Variants in ENOX1 observed in about 807,000 individuals in gnomAD.
ENOX1 encodes the protein ecto-NOX disulfide-thiol exchanger 1.
In ENOX1, 42 loss-of-function variants were observed where a neutral mutation model predicts 82.5. The observed-to-expected ratio is 0.51, with a 90% CI of 0.40 to 0.66. The LOEUF (loss-of-function observed/expected upper bound fraction) is 0.66. ENOX1 is among the 30% of genes least tolerant of loss of function. ENOX1 has a pLI of 0.00. For synonymous variants in ENOX1, 271 were observed against 282.2 expected (o/e 0.96, Z 0.40); for missense variants, 608 against 811.6 (o/e 0.75, Z 3.05).
chr13:43,772,075 T>C (rs1221156751), intron 1 of ENOX1, among the ~76,000 whole-genome samples: 1 of 151,818 alleles, frequency 6.6e-6, no homozygotes, highest in Admixed American at 6.6e-5. Context: ...TGGTGTGATA[T>C]CTCTTTAAAG....
chr13:43,711,605 T>C (rs2087721062), intron 1 of ENOX1, among the ~76,000 whole-genome samples: 2 of 152,052 alleles, frequency 1.3e-5, no homozygotes, highest in Admixed American at 6.6e-5. Flanking sequence ...TTTTTAATGA[T>C]TGCCATTCTA....
At chr13:43,744,356 GT>G (rs1239636840) in intron 1 of ENOX1, among the ~76,000 whole-genome samples, 1 of 152,102 alleles carries the variant, frequency 6.6e-6, no homozygotes, top group African/African-American at 2.4e-5. Flanking sequence ...AACCCCTCAG[GT>G]CATTCTTTTT....
intron 3 of ENOX1, among the ~76,000 whole-genome samples, chr13:43,453,813 C>T (rs2057089813): frequency 6.6e-6 from 1 of 152,082 alleles, no homozygotes; most frequent in Non-Finnish European, 1.5e-5. Context: ...ACAATAATTG[C>T]ACTACAAGCA....
At chr13:43,227,870 T>C (rs2042097044) in intron 15 of ENOX1, among the ~76,000 whole-genome samples, 2 of 151,986 alleles carry the variant, frequency 1.3e-5, no homozygotes, top group South Asian at 2.1e-4. Flanking sequence ...ACAACCCAAT[T>C]ATCCAGTGTT....
chr13:43,395,660 A>G (rs1047027381), intron 5 of ENOX1, among the ~76,000 whole-genome samples: 2 of 152,170 alleles, frequency 1.3e-5, no homozygotes, highest in Non-Finnish European at 2.9e-5. Flanking sequence ...TAAATTCTTA[A>G]TTATCCATAC....
intron 1 of ENOX1, among the ~76,000 whole-genome samples, chr13:43,740,107 A>G (rs2089829270): frequency 6.6e-6 from 1 of 152,214 alleles, no homozygotes; most frequent in Non-Finnish European, 1.5e-5. Flanking sequence ...GGTCAACTGA[A>G]TATGGGGAAT....
chr13:43,342,931 A>T (rs2049155717), intron 9 of ENOX1, among the ~76,000 whole-genome samples: 2 of 152,210 alleles, frequency 1.3e-5, no homozygotes, highest in African/African-American at 2.4e-5. Context: ...TGCCTCTTTC[A>T]ATAGTTACTG....
intron 2 of ENOX1, among the ~76,000 whole-genome samples, chr13:43,626,712 A>G (rs2082980197): frequency 6.6e-6 from 1 of 151,828 alleles, no homozygotes; most frequent in Admixed American, 6.6e-5. Flanking sequence ...TCAAGCTATT[A>G]TCTTTTTTGG....
intron 12 of ENOX1, among the ~76,000 whole-genome samples, chr13:43,271,827 G>A (rs1313469136): frequency 6.6e-6 from 1 of 151,860 alleles, no homozygotes; most frequent in Non-Finnish European, 1.5e-5. Context: ...CTTCTTATGT[G>A]TCAGTGATGT....
chr13:43,551,199 C>T (rs574507967), intron 2 of ENOX1, among the ~76,000 whole-genome samples: 51 of 152,244 alleles, frequency 3.3e-4, no homozygotes, highest in Non-Finnish European at 6.3e-4. Flanking sequence ...TAACACAGAA[C>T]ATAGTTTACA....
intron 2 of ENOX1, among the ~76,000 whole-genome samples, chr13:43,662,707 T>G (rs2084793469): frequency 6.6e-6 from 1 of 152,212 alleles, no homozygotes; most frequent in Non-Finnish European, 1.5e-5. Flanking sequence ...TCTGTTTTCC[T>G]CTACCGTTTT....
chr13:43,729,146 G>A (rs2089173005), intron 1 of ENOX1, among the ~76,000 whole-genome samples: 1 of 152,170 alleles, frequency 6.6e-6, no homozygotes, highest in Non-Finnish European at 1.5e-5. Flanking sequence ...ATATGGAACA[G>A]AAAATTCAAT....
At chr13:43,779,055 T>C (rs1952088569) in intron 1 of ENOX1, among the ~76,000 whole-genome samples, 1 of 152,038 alleles carries the variant, frequency 6.6e-6, no homozygotes. Context: ...CCCCAACTCC[T>C]CCTCCATCAA....
chr13:43,751,117 G>T (rs2064527865), intron 1 of ENOX1, among the ~76,000 whole-genome samples: 1 of 152,128 alleles, frequency 6.6e-6, no homozygotes, highest in African/African-American at 2.4e-5. Context: ...CAAATTATCT[G>T]TCATGCTCCT....
rs774608353 is a variant in ENOX1 at position 43,214,056 on chromosome 13, C to T, written c.1866G>A (p.Thr622=). The T allele has an allele frequency of 1.6e-5, 26 of 1,613,500 alleles. No individual in the cohort carries two copies. The highest frequency in any genetic ancestry group is 7.7e-5 in the South Asian group (7 of 90,966). Residue 622 remains threonine (T), a synonymous_variant, in exon 17 of 17, where the codon ACG becomes ACA. Coordinates refer to ENST00000690772, the MANE Select transcript of ENOX1 (RefSeq NM_001347969.2). ...RLPRMFKQEF[T]GVGATLEKRW... Reference sequence around the variant, plus strand: ...TTTTTTCCAGCGTGGCTCCCACACCCGTGAATTCCTGTTTGAACATGCGTG... The same window carrying T: ...TTTTTTCCAGCGTGGCTCCCACACCTGTGAATTCCTGTTTGAACATGCGTG...
intron 1 of ENOX1, among the ~76,000 whole-genome samples, chr13:43,727,129 C>T (rs2089030536): frequency 6.6e-6 from 1 of 152,284 alleles, no homozygotes; most frequent in South Asian, 2.1e-4. Context: ...ATTTCCAGCT[C>T]TTTCACGGGG....
intron 1 of ENOX1, among the ~76,000 whole-genome samples, chr13:43,759,997 C>T (rs1319141329): frequency 6.6e-6 from 1 of 152,104 alleles, no homozygotes; most frequent in Non-Finnish European, 1.5e-5. Context: ...TTCATTATCA[C>T]AAAATTATGC....
chr13:43,299,816 C>T (rs375123861), intron 11 of ENOX1, among the ~76,000 whole-genome samples: 1 of 152,138 alleles, frequency 6.6e-6, no homozygotes, highest in Non-Finnish European at 1.5e-5. Flanking sequence ...GATAAGGGCA[C>T]GGTGTGGAGC....
At chr13:43,735,044 G>A (rs781060030) in intron 1 of ENOX1, among the ~76,000 whole-genome samples, 7 of 152,150 alleles carry the variant, frequency 4.6e-5, no homozygotes, top group Admixed American at 1.3e-4. Flanking sequence ...TATTTATTAT[G>A]TGCTTCAGAT....
Sources: allele counts gnomAD v4.1 joint callset (sites outside exome capture counted in the v4.1 genomes callset), GRCh38; gene constraint gnomAD v4.1.1; transcripts MANE v1.5; gene names NCBI Gene and HGNC (gene_info 2026-07-23, HGNC 2026-07-21).